Variants in PLCL2 observed in about 807,000 individuals in gnomAD.
PLCL2 encodes phospholipase C like 2.
In PLCL2, 4 loss-of-function variants were observed where a neutral mutation model predicts 79.6. The ratio of observed to expected loss-of-function variants is 0.05; its 90% CI spans 0.02 to 0.11. PLCL2 has a LOEUF of 0.11. Ranked by LOEUF, PLCL2 falls within the 10% of genes least tolerant of loss-of-function variation. PLCL2 has a pLI of 1.00. For synonymous variants in PLCL2, 484 were observed against 457.7 expected (o/e 1.06, Z -0.73); for missense variants, 895 against 1,291.0 (o/e 0.69, Z 4.70).
intron 1 of PLCL2, among the ~76,000 whole-genome samples, chr3:16,892,907 T>A (rs1696384568): frequency 6.6e-6 from 1 of 152,234 alleles, no homozygotes; most frequent in Non-Finnish European, 1.5e-5. Flanking sequence ...ACTGTCCATG[T>A]TTTGAACTGC....
Position 17,010,644 on chromosome 3 carries a change from C to G in PLCL2, c.1298C>G (p.Ser433Cys). ...KVCQDMKQPL[S>C]HYFINSSHNT... The stretch of plus-strand genomic sequence containing the variant: ...TGTCAGGATATGAAGCAACCTCTGT[C>G]TCATTACTTTATAAACTCATCTCAT... Residue 433 changes from serine to cysteine, a missense_variant, in exon 2 of 6, where the codon TCT becomes TGT. Ser to Cys is a moderately radical substitution (Grantham distance 112). Transcript: ENST00000615277. The surrounding 1 kb of genome is among the most constrained non-coding windows in gnomAD (Gnocchi z 5.8). 6.2e-7 allele frequency: 1 copy of G among 1,613,874 alleles called. No homozygotes were observed. Among genetic ancestry groups the G allele is most frequent in the Non-Finnish European group, 8.5e-7 (1 of 1,179,768 alleles).
intron 3 of PLCL2, among the ~76,000 whole-genome samples, chr3:17,040,409 A>T (rs1182289454): frequency 6.6e-6 from 1 of 152,226 alleles, no homozygotes; most frequent in Non-Finnish European, 1.5e-5. Flanking sequence ...TAATAATGCA[A>T]CTTGTTTCTC....
intron 1 of PLCL2, among the ~76,000 whole-genome samples, chr3:16,986,290 C>T (rs1480671327): frequency 4.6e-5 from 7 of 152,090 alleles, no homozygotes; most frequent in Non-Finnish European, 8.8e-5. Flanking sequence ...GCATATGGTT[C>T]CCCTAGTGCT....
intron 3 of PLCL2, among the ~76,000 whole-genome samples, chr3:17,040,137 T>C (rs952998897): frequency 3.3e-5 from 5 of 152,200 alleles, no homozygotes; most frequent in African/African-American, 1.2e-4. Flanking sequence ...TTTATATATA[T>C]ACTTTAAGTT....
chr3:17,086,606 T>G (rs1419924174), intron 5 of PLCL2, among the ~76,000 whole-genome samples: 1 of 152,206 alleles, frequency 6.6e-6, no homozygotes, highest in Non-Finnish European at 1.5e-5. Flanking sequence ...ATTTAAAACT[T>G]CTGCTCTATA....
At chr3:16,915,675 T>TTTATGC (rs1279594266) in intron 1 of PLCL2, among the ~76,000 whole-genome samples, 1 of 152,232 alleles carries the variant, frequency 6.6e-6, no homozygotes, top group Non-Finnish European at 1.5e-5. Flanking sequence ...ATTTATTCTG[T>TTTATGC]TTATGCAGTT....
intron 3 of PLCL2, among the ~76,000 whole-genome samples, chr3:17,040,583 G>T (rs1158908191): frequency 6.6e-6 from 1 of 152,048 alleles, no homozygotes; most frequent in African/African-American, 2.4e-5. Flanking sequence ...CGTGACAGCT[G>T]CCGCTTGCAA....
chr3:16,977,356 A>G (rs1030985714), intron 1 of PLCL2, among the ~76,000 whole-genome samples: 1 of 152,008 alleles, frequency 6.6e-6, no homozygotes, highest in Non-Finnish European at 1.5e-5. Context: ...TTCCCCTCCC[A>G]CAGCCTGAAC....
rs1457714517 is a variant in PLCL2, at chr3:17,068,085, T to G, written c.3204+20T>G. 1 of 1,348,408 alleles carries G rather than the reference T, an allele frequency of 7.4e-7. No individual in the cohort carries two copies. Among genetic ancestry groups the G allele is most frequent in the African/African-American group, 1.4e-5 (1 of 69,462 alleles). 83.5% of individuals were successfully genotyped at this position (1,348,408 alleles called of 1,614,324 possible). ...TTAAAGGTATCTATAGAGTTGTTTC[T>G]GATGCTGGTGATTTTGCAGCCTCTT... On this transcript the variant is annotated intron_variant, in intron 5 of 5. Coordinates refer to ENST00000615277, the MANE Select transcript of PLCL2 (RefSeq NM_001144382.2).
At chr3:17,052,259 G>C (rs1036902384) in intron 4 of PLCL2, among the ~76,000 whole-genome samples, 17 of 149,168 alleles carry the variant, frequency 1.1e-4, no homozygotes, top group African/African-American at 4.1e-4. Context: ...AAAAATTGGG[G>C]GGGGGTGAAG....
At chr3:16,995,770 G>A (rs887445060) in intron 1 of PLCL2, among the ~76,000 whole-genome samples, 2 of 152,144 alleles carry the variant, frequency 1.3e-5, no homozygotes, top group African/African-American at 2.4e-5. Flanking sequence ...TAATGTGGCC[G>A]TAGGCTCCGT....
At chr3:17,074,947 A>G (rs191048471) in intron 5 of PLCL2, among the ~76,000 whole-genome samples, 2 of 152,364 alleles carry the variant, frequency 1.3e-5, no homozygotes, top group African/African-American at 4.8e-5. Flanking sequence ...CATATCAGCA[A>G]TAAGGCAGTT....
intron 1 of PLCL2, among the ~76,000 whole-genome samples, chr3:16,888,983 AC>A (rs1461257067): frequency 3.9e-5 from 6 of 152,156 alleles, no homozygotes; most frequent in Non-Finnish European, 7.4e-5. Context: ...CACTAACATC[AC>A]CTCAAAAAAC....
At chr3:17,088,287 A>G (rs1575626055) in intron 5 of PLCL2, among the ~76,000 whole-genome samples, 1 of 152,164 alleles carries the variant, frequency 6.6e-6, no homozygotes, top group African/African-American at 2.4e-5. Flanking sequence ...CTCCTGCTGG[A>G]CAGGAATGCC....
intron 5 of PLCL2, among the ~76,000 whole-genome samples, chr3:17,070,807 AAC>A (rs2065054274): frequency 6.6e-6 from 1 of 152,100 alleles, no homozygotes; most frequent in Non-Finnish European, 1.5e-5. Flanking sequence ...GCCAGCAGTA[AAC>A]ACACAGCAGG....
chr3:16,889,085 C>T (rs1696288421), intron 1 of PLCL2, among the ~76,000 whole-genome samples: 1 of 152,074 alleles, frequency 6.6e-6, no homozygotes, highest in Admixed American at 6.5e-5. Context: ...CGGCCATTAC[C>T]TTATCTTGGT....
At chr3:16,980,723 C>T (rs1352427847) in intron 1 of PLCL2, among the ~76,000 whole-genome samples, 2 of 152,320 alleles carry the variant, frequency 1.3e-5, no homozygotes, top group East Asian at 1.9e-4. Context: ...CCCTCGCTTC[C>T]CAGACGGGGT....
At chr3:16,977,869 C>T (rs1035288065) in intron 1 of PLCL2, among the ~76,000 whole-genome samples, 7 of 152,218 alleles carry the variant, frequency 4.6e-5, no homozygotes, top group Non-Finnish European at 5.9e-5. Context: ...GAGGTTAGGA[C>T]TGCCCTCTGC....
intron 4 of PLCL2, among the ~76,000 whole-genome samples, chr3:17,043,247 C>G (rs2064745111): frequency 6.6e-6 from 1 of 152,104 alleles, no homozygotes; most frequent in Non-Finnish European, 1.5e-5. Flanking sequence ...GCACTAATCT[C>G]TTCTTCAGTG....
Sources: gnomAD v4.1 joint callset for allele counts (sites outside exome capture counted in the v4.1 genomes callset) on GRCh38, gnomAD v4.1.1 for gene constraint, Gnocchi (gnomAD v3.1) non-coding constraint, MANE v1.5 for transcripts, NCBI Gene and HGNC (gene_info 2026-07-23, HGNC 2026-07-21) for gene names.